The following KMT2B variants were observed in gnomAD, a reference collection of about 807,000 sequenced individuals.
The protein encoded by KMT2B is histone-lysine N-methyltransferase 2B.
Under a neutral mutation model 255.3 loss-of-function variants are expected in KMT2B, and 22 were observed. The ratio of observed to expected loss-of-function variants is 0.09; its 90% CI spans 0.06 to 0.12. KMT2B has a LOEUF of 0.12. Ranked by LOEUF, KMT2B falls within the 10% of genes least tolerant of loss-of-function variation. KMT2B has a pLI of 1.00. For synonymous variants in KMT2B, 1,730 were observed against 1,498.1 expected, an observed-to-expected ratio of 1.15 and a Z score of -3.57; for missense variants, 3,149 against 3,737.0, an observed-to-expected ratio of 0.84 and a Z score of 4.10.
At position 35,721,359 on chromosome 19, in the gene KMT2B, T is replaced by C; in HGVS notation, c.2012T>C (p.Leu671Pro). ...GAATCGGTGCTTACTCCTCCTCCTC[T>C]TGGGGCTCCTGAAGCCCCTGAGCCA... ...IYESVLTPPP[L>P]GAPEAPEPEP... Residue 671 changes from leucine (L) to proline (P), a missense_variant, in exon 3 of 37, where the codon CTT becomes CCT. This residue lies in a region of KMT2B where 1,188 missense variants were observed against 1,106.4 expected (regional missense o/e 1.07). Coordinates refer to ENST00000420124, the MANE Select transcript of KMT2B (RefSeq NM_014727.3). 1 of 1,590,834 alleles carries C rather than the reference T, an allele frequency of 6.3e-7. No individual in the cohort carries two copies. Among genetic ancestry groups the C allele is most frequent in the Non-Finnish European group, 8.5e-7 (1 of 1,169,844 alleles).
chr19:35,737,038 A>G lies in KMT2B; in HGVS notation c.7373-48A>G. 1 of 1,608,950 alleles carries G rather than the reference A, an allele frequency of 6.2e-7. No individual in the cohort carries two copies. The highest frequency in any genetic ancestry group is 8.5e-7 in the Non-Finnish European group (1 of 1,176,856). ...GGGAGCTGGATGTCTCCCCGAGGGC[A>G]CCATGGGCCCTCCACATGACAGGTG... On this transcript the variant is annotated intron_variant, in intron 32 of 36. Transcript: ENST00000420124. This position sits in a 1 kb window ranked among gnomAD's most constrained non-coding sequence, Gnocchi z 5.3.
In KMT2B at chr19:35,719,981, G is replaced by GAGC; in HGVS notation, c.635_637dup (p.Glu212_Pro213insGln). On this transcript the variant is annotated inframe_insertion, in exon 3 of 37. Transcript: ENST00000420124. ...CCAAGCACCCCGGAGCCGGGCATGT[G>GAGC]AGCCCTCCACCCCCCGGCGGTCTCG... 1.2e-6 allele frequency: 2 copies of GAGC among 1,613,284 alleles called. No homozygotes were observed. Among genetic ancestry groups the GAGC allele is most frequent in the South Asian group, 1.1e-5 (1 of 91,064 alleles).
rs779883307 is a variant in KMT2B at position 35,733,270 on chromosome 19, G to C, written c.6721G>C (p.Gly2241Arg). Residue 2241 changes from glycine to arginine, a missense_variant, in exon 28 of 37, where the codon GGC becomes CGC. This residue lies in a region of KMT2B where 897 missense variants were observed against 825.3 expected (regional missense o/e 1.09). Transcript: ENST00000420124. This position sits in a 1 kb window ranked among gnomAD's most constrained non-coding sequence, Gnocchi z 4.3. ...GACTCTGCCCCCAGGCCCCCTCCTC[G>C]GCGTGCTGCCCGTGGTCGGAGTGGT... is the stretch of plus-strand genomic sequence containing the variant. ...SWTLPPGPLL[G>R]VLPVVGVVRP... 16 of 1,427,424 alleles carry C rather than the reference G, an allele frequency of 1.1e-5. No homozygotes were observed. Among genetic ancestry groups the C allele is most frequent in the South Asian group, 1.0e-4 (8 of 79,548 alleles). 88.4% of individuals were successfully genotyped at this position (1,427,424 alleles called of 1,614,324 possible). A position where few individuals can be genotyped will look rare whatever the true frequency, so the allele number is the denominator to read the frequency against.
Position 35,724,194 on chromosome 19 carries a change from G to T in KMT2B, c.3334+187G>T, listed in dbSNP as rs935287023. On this transcript the variant is annotated intron_variant, in intron 8 of 36. Transcript: ENST00000420124. ...CTATGAGGTTCTCAGTGAGCCTAAT[G>T]AGTGAGACTTAAGGGTCATCCTAGG... Among the ~76,000 whole-genome samples the T allele has an allele frequency of 2.6e-5, 4 of 152,288 alleles. No individual in the cohort carries two copies. In the East Asian group the frequency reaches 7.7e-4, roughly 29 times the overall value.
chr19:35,724,485 C>T (rs571909367), intron 8 of KMT2B, among the ~76,000 whole-genome samples, 152 bp from the exon 9 acceptor site: 3 of 152,214 alleles, frequency 2.0e-5, no homozygotes, highest in South Asian at 2.1e-4. Flanking sequence ...GGCAACAGAG[C>T]GAGACCCTGC....
intron 18 of KMT2B, 46 bp from the exon 19 acceptor site, chr19:35,728,052 C>A (rs1348121067): frequency 1.3e-6 from 2 of 1,563,994 alleles, no homozygotes; most frequent in Non-Finnish European, 1.7e-6. Flanking sequence ...CCTGCCAGCT[C>A]TCCTGGGGAA....
chr19:35,726,963 GAC>G (rs1969477048), intron 14 of KMT2B, among the ~76,000 whole-genome samples, 191 bp from the exon 15 acceptor site: 1 of 135,634 alleles, frequency 7.4e-6, no homozygotes, highest in African/African-American at 2.8e-5. Context: ...TAGCCTGGGT[GAC>G]AGAGCAAGAC....
Position 35,727,652 on chromosome 19 carries a change from C to T in KMT2B, c.4302+30C>T, listed in dbSNP as rs769697961. 7.7e-5 allele frequency: 124 copies of T among 1,612,144 alleles called. 2 individuals are homozygous for T. The Admixed American group carries it at 1.8e-3, about 24-fold the overall frequency. ...GGAGGGCCCTGGAGGCAGGATGGGC[C>T]GGGGCTAGGCCCACCCCCAGCCCTG... On this transcript the variant is annotated intron_variant, in intron 16 of 36. Transcript: ENST00000420124. This position sits in a 1 kb window ranked among gnomAD's most constrained non-coding sequence, Gnocchi z 4.2.
At position 35,718,908 on chromosome 19, in the gene KMT2B, C is replaced by G. The variant is rs1568366372; in HGVS notation, c.363+527C>G. On this transcript the variant is annotated intron_variant, in intron 1 of 36. Transcript: ENST00000420124. This position sits in a 1 kb window ranked among gnomAD's most constrained non-coding sequence, Gnocchi z 5.0. ...GGGATGAAGGCCGGGACTGGGCACT[C>G]TAGCAGGTCAGAGCTCAGCTCAGGA... Among the ~76,000 whole-genome samples, 1 of 152,134 alleles carries G rather than the reference C, an allele frequency of 6.6e-6. No homozygotes were observed. Among genetic ancestry groups the G allele is most frequent in the Admixed American group, 6.6e-5 (1 of 15,266 alleles).
rs1969044952 is a variant in KMT2B at position 35,718,451 on chromosome 19, C to T, written c.363+70C>T. 5 of 1,209,144 alleles carry T rather than the reference C, an allele frequency of 4.1e-6. No homozygotes were observed. The highest frequency in any genetic ancestry group is 5.2e-6 in the Non-Finnish European group (5 of 965,082). 74.9% of individuals were successfully genotyped at this position (1,209,144 alleles called of 1,614,324 possible). A position where few individuals can be genotyped will look rare whatever the true frequency, so the allele number is the denominator to read the frequency against. ...CGGGGCTTCCAGGGGTCTGGGTTGT[C>T]CCGGGGGCGGCGTGGGCAGGCCGGG... On this transcript the variant is annotated intron_variant, in intron 1 of 36. Transcript: ENST00000420124. This position sits in a 1 kb window ranked among gnomAD's most constrained non-coding sequence, Gnocchi z 5.0.
rs745512297 is a variant in KMT2B, at chr19:35,723,791, C to T, written c.3118C>T (p.Pro1040Ser). Residue 1040 changes from proline (P) to serine (S), a missense_variant, in exon 8 of 37, where the codon CCT (proline) becomes TCT (serine). This residue lies in a region of KMT2B where 50 missense variants were observed against 71.9 expected (regional missense o/e 0.70). Transcript: ENST00000420124. This position sits in a 1 kb window ranked among gnomAD's most constrained non-coding sequence, Gnocchi z 7.5. Reference sequence around the variant, plus strand: ...TTCCGATGAATCTCCTGAGGCCTCCCCTGGTCCTCCAGGCCCACGCCGGGG... The same window carrying T: ...TTCCGATGAATCTCCTGAGGCCTCCTCTGGTCCTCCAGGCCCACGCCGGGG... ...WDSDESPEAS[P>S]GPPGPRRGAG... 1.9e-6 allele frequency: 3 copies of T among 1,585,254 alleles called. No individual in the cohort carries two copies. The highest frequency in any genetic ancestry group is 1.4e-5 in the African/African-American group (1 of 73,744).
In KMT2B at chr19:35,721,654, G is replaced by T. The variant is rs781315074; in HGVS notation, c.2307G>T (p.Met769Ile). The change falls in exon 3 of 37, where the codon ATG becomes ATT. Residue 769 changes from methionine to isoleucine, a missense_variant. Transcript: ENST00000420124. ...AGCCACCGCCGTCACCACAGCAGAT[G>T]CCTCCCCTGGAAAAAGCCCGGATTG... Reference protein sequence around the residue: ...QLQPPPSPQQMPPLEKARIAG... With the variant: ...QLQPPPSPQQIPPLEKARIAG... 4 of 1,613,316 alleles carry T rather than the reference G, an allele frequency of 2.5e-6. No homozygotes were observed. The Admixed American group carries it at 6.7e-5, about 27-fold the overall frequency.
At chr19:35,729,675 A>C (rs1373850601) in intron 22 of KMT2B, among the ~76,000 whole-genome samples, 2 of 152,112 alleles carry the variant, frequency 1.3e-5, no homozygotes, top group African/African-American at 4.8e-5. Context: ...GGGGTGGTAG[A>C]GATTCCCACT....
In KMT2B at chr19:35,720,725, G is replaced by A; in HGVS notation, c.1378G>A (p.Val460Met). Residue 460 changes from valine to methionine, a missense_variant, in exon 3 of 37, where the codon GTG (valine) becomes ATG (methionine). Transcript: ENST00000420124. ...QEEQEESPPPVVPATCSRKRG... is the reference protein window; with the variant it reads ...QEEQEESPPPMVPATCSRKRG... ...GGAGCAGGAGGAATCCCCTCCTCCT[G>A]TGGTCCCAGCTACGTGCTCCAGGAA... The A allele has an allele frequency of 6.8e-7, 1 of 1,473,924 alleles. No homozygotes were observed. The allele number at this position is 1,473,924 out of a possible 1,614,324, so 91.3% of individuals were successfully genotyped here. A position where few individuals can be genotyped will look rare whatever the true frequency, so the allele number is the denominator to read the frequency against.
Position 35,723,375 on chromosome 19 carries a change from T to C in KMT2B, c.3003-72T>C. 6.5e-7 allele frequency: 1 copy of C among 1,540,002 alleles called. No individual in the cohort carries two copies. The highest frequency in any genetic ancestry group is 1.2e-5 in the South Asian group (1 of 82,172). ...GGCCAGAGCAGTGGGGTTGGCATTC[T>C]TGTGGAGAGCTTCCTCTCTTCCCCC... is the stretch of plus-strand genomic sequence containing the variant. On this transcript the variant is annotated intron_variant, in intron 6 of 36. Coordinates refer to ENST00000420124, the MANE Select transcript of KMT2B (RefSeq NM_014727.3). The surrounding 1 kb of genome is among the most constrained non-coding windows in gnomAD (Gnocchi z 7.5).
In KMT2B at chr19:35,737,334, G is replaced by T; in HGVS notation, c.7550+71G>T. ...GAGCTCTTGAGGGTGGGAGTTAACT[G>T]TAGAGGTTGGAAACTGAGGCCTGGG... On this transcript the variant is annotated intron_variant, in intron 33 of 36. Coordinates refer to ENST00000420124, the MANE Select transcript of KMT2B (RefSeq NM_014727.3). The surrounding 1 kb of genome is among the most constrained non-coding windows in gnomAD (Gnocchi z 5.3). 1 of 1,411,102 alleles carries T rather than the reference G, an allele frequency of 7.1e-7. No individual in the cohort carries two copies. Among genetic ancestry groups the T allele is most frequent in the Non-Finnish European group, 9.3e-7 (1 of 1,072,322 alleles). The allele number at this position is 1,411,102 out of a possible 1,614,324, so 87.4% of individuals were successfully genotyped here. A position where few individuals can be genotyped will look rare whatever the true frequency, so the allele number is the denominator to read the frequency against.
rs994624769 is a variant in KMT2B at position 35,719,116 on chromosome 19, G to A, written c.364-353G>A. Among the ~76,000 whole-genome samples the A allele has an allele frequency of 2.6e-5, 4 of 152,182 alleles. No homozygotes were observed. The East Asian group carries it at 7.7e-4, about 29-fold the overall frequency. Reference sequence around the variant, plus strand: ...GAAATAAATTGTGGCCCGAAAGGGTGTCAGTGGAGGTCCCACTTTGGTCTG... The same window carrying A: ...GAAATAAATTGTGGCCCGAAAGGGTATCAGTGGAGGTCCCACTTTGGTCTG... On this transcript the variant is annotated intron_variant, in intron 1 of 36. Transcript: ENST00000420124.
In KMT2B at chr19:35,719,550, C is replaced by T. The variant is rs778307565; in HGVS notation, c.436+9C>T. On this transcript the variant is annotated intron_variant, in intron 2 of 36. Coordinates refer to ENST00000420124, the MANE Select transcript of KMT2B (RefSeq NM_014727.3). Reference sequence around the variant, plus strand: ...GCTCCGATCCCAGCGAGGTGAGTGACGGGGGAACTCCACCTCTTTAGCGTC... The same window carrying T: ...GCTCCGATCCCAGCGAGGTGAGTGATGGGGGAACTCCACCTCTTTAGCGTC... 1.8e-5 allele frequency: 29 copies of T among 1,582,626 alleles called. No homozygotes were observed. In the South Asian group the frequency reaches 1.8e-4, roughly 10 times the overall value.
In KMT2B at chr19:35,732,437, C is replaced by A; in HGVS notation, c.5888C>A (p.Pro1963Gln). The A allele has an allele frequency of 6.2e-7, 1 of 1,613,790 alleles. No individual in the cohort carries two copies. Among genetic ancestry groups the A allele is most frequent in the Non-Finnish European group, 8.5e-7 (1 of 1,179,764 alleles). Residue 1963 changes from proline to glutamine, a missense_variant, in exon 28 of 37, where the codon CCG (proline) becomes CAG (glutamine). Pro to Gln is a moderately conservative substitution (Grantham distance 76). Coordinates refer to ENST00000420124, the MANE Select transcript of KMT2B (RefSeq NM_014727.3). ...TCAGGGGAGCTGGCTCCCCCTGGCC[C>A]GGCCCCATCTCCACCACCCCCTGAA... The part of the protein sequence containing the change: ...PTSGELAPPG[P>Q]APSPPPPEDL...
Sources: gnomAD v4.1 joint callset for allele counts (sites outside exome capture counted in the v4.1 genomes callset) on GRCh38, gnomAD v4.1.1 for gene constraint, gnomAD v4.1.1 regional missense constraint, Gnocchi (gnomAD v3.1) non-coding constraint, MANE v1.5 for transcripts, NCBI Gene and HGNC (gene_info 2026-07-23, HGNC 2026-07-21) for gene names.